NDC1: variants seen among roughly 807,000 people sequenced by gnomAD.
NDC1 encodes nucleoporin NDC1.
NDC1 carries 24 observed loss-of-function variants against 89.8 expected under a neutral mutation model. The ratio of observed to expected loss-of-function variants is 0.27; its 90% CI spans 0.19 to 0.38. NDC1 has a LOEUF of 0.38. Ranked by LOEUF, NDC1 falls within the 10% of genes least tolerant of loss-of-function variation. NDC1 has a pLI of 1.00. For synonymous variants in NDC1, 296 were observed against 284.8 expected (o/e 1.04, Z -0.39); for missense variants, 728 against 797.6 (o/e 0.91, Z 1.05).
In NDC1 at chr1:53,766,517, A is replaced by C. The variant is rs1647067041; in HGVS notation, c.*1453T>G. ...GACACAAAGCAAAACCAAAACAAAA[A>C]AACAAATGGCAATAGTCTACATATC... is the stretch of plus-strand genomic sequence containing the variant. On this transcript the variant is annotated 3_prime_UTR_variant, in exon 18 of 18. Coordinates refer to ENST00000371429, the MANE Select transcript of NDC1 (RefSeq NM_018087.5). 1 of 152,190 alleles carries C rather than the reference A, an allele frequency of 6.6e-6. No homozygotes were observed. The highest frequency in any genetic ancestry group is 1.5e-5 in the Non-Finnish European group (1 of 68,044). 9.4% of individuals were successfully genotyped at this position (152,190 alleles called of 1,614,324 possible). A position where few individuals can be genotyped will look rare whatever the true frequency, so the allele number is the denominator to read the frequency against.
chr1:53,790,676 C>T (rs1570176629), intron 14 of NDC1, among the ~76,000 whole-genome samples: 1 of 152,142 alleles, frequency 6.6e-6, no homozygotes, highest in South Asian at 2.1e-4. Flanking sequence ...CACTGCACTC[C>T]AGCCTGGGCG....
rs573538866 is a variant in NDC1, at chr1:53,786,327, G to C, written c.1800+831C>G. 3.9e-4 allele frequency among the ~76,000 whole-genome samples: 59 copies of C among 152,306 alleles called. 1 individual carries two copies. The South Asian group carries it at 0.012, about 31-fold the overall frequency. On this transcript the variant is annotated intron_variant, in intron 16 of 17. Transcript: ENST00000371429. Reference sequence around the variant, plus strand: ...TGACATAAAAAGTACCAAGTAACATGAAGTTAGAAAAAGAAGCCTACTGCA... The same window carrying C: ...TGACATAAAAAGTACCAAGTAACATCAAGTTAGAAAAAGAAGCCTACTGCA...
intron 17 of NDC1, among the ~76,000 whole-genome samples, chr1:53,770,281 T>C (rs528090362): frequency 1.3e-3 from 195 of 152,240 alleles, no homozygotes; most frequent in Non-Finnish European, 2.4e-3. Flanking sequence ...ATTCTCACAA[T>C]TTTTATTTTA....
At chr1:53,786,729 G>A (rs1214207362) in intron 16 of NDC1, among the ~76,000 whole-genome samples, 1 of 151,986 alleles carries the variant, frequency 6.6e-6, no homozygotes, top group Non-Finnish European at 1.5e-5. Context: ...ACAGGGTCTC[G>A]CTCTGTTACC....
At chr1:53,821,900 C>T (rs138458169) in intron 5 of NDC1, among the ~76,000 whole-genome samples, 1 of 152,320 alleles carries the variant, frequency 6.6e-6, no homozygotes, top group African/African-American at 2.4e-5. Context: ...GTCTTGATGT[C>T]CATTTCTTTG....
intron 16 of NDC1, among the ~76,000 whole-genome samples, chr1:53,776,798 C>T (rs1647166997): frequency 6.6e-6 from 1 of 152,062 alleles, no homozygotes; most frequent in African/African-American, 2.4e-5. Flanking sequence ...TTTCATATAG[C>T]TTTTCATGAA....
Position 53,766,407 on chromosome 1 carries a change from A to G in NDC1, c.*1563T>C, listed in dbSNP as rs949635407. The stretch of plus-strand genomic sequence containing the variant: ...ACAGTTCTCAGTCAACCTAGCCACA[A>G]TTTTCTGTCTTGGCCATCTGTAAGA... On this transcript the variant is annotated 3_prime_UTR_variant, in exon 18 of 18. Transcript: ENST00000371429. The G allele has an allele frequency of 6.6e-6, 1 of 152,170 alleles. No individual in the cohort carries two copies. The highest frequency in any genetic ancestry group is 2.4e-5 in the African/African-American group (1 of 41,446). 9.4% of individuals were successfully genotyped at this position (152,170 alleles called of 1,614,324 possible).
intron 5 of NDC1, among the ~76,000 whole-genome samples, chr1:53,824,957 T>G (rs549286511): frequency 9.2e-5 from 14 of 152,214 alleles, no homozygotes; most frequent in Admixed American, 6.5e-5. Context: ...GCAGATAGCT[T>G]GAGCCCAGGA....
intron 8 of NDC1, 47 bp downstream of exon 8, chr1:53,807,609 A>G (rs1648154588): frequency 2.0e-6 from 3 of 1,526,434 alleles, no homozygotes; most frequent in Non-Finnish European, 2.7e-6. Context: ...TCAACTGTGC[A>G]CTCCAAAACA....
chr1:53,771,046 C>G (rs1647109024), intron 17 of NDC1: 1 of 154,594 alleles, frequency 6.5e-6, no homozygotes, highest in Admixed American at 6.4e-5. Flanking sequence ...ATTTATCCAG[C>G]CACTGATTAA....
chr1:53,832,255 C>G (rs1649091427), intron 3 of NDC1, among the ~76,000 whole-genome samples: 1 of 152,056 alleles, frequency 6.6e-6, no homozygotes, highest in Non-Finnish European at 1.5e-5. Context: ...TTTGAGTACT[C>G]CAGATACCTC....
intron 16 of NDC1, among the ~76,000 whole-genome samples, chr1:53,777,396 A>G (rs1253615960): frequency 2.0e-5 from 3 of 152,194 alleles, no homozygotes; most frequent in African/African-American, 7.2e-5. Context: ...AATAAAGGTC[A>G]TAAAATAGCA....
intron 16 of NDC1, among the ~76,000 whole-genome samples, chr1:53,773,875 G>A (rs1162826350): frequency 6.6e-6 from 1 of 152,162 alleles, no homozygotes; most frequent in African/African-American, 2.4e-5. Context: ...GACTACAGTG[G>A]AAGAGGAGCA....
chr1:53,831,330 G>A (rs550093034), intron 3 of NDC1, among the ~76,000 whole-genome samples: 7 of 152,212 alleles, frequency 4.6e-5, no homozygotes, highest in South Asian at 2.1e-4. Flanking sequence ...TTAAGGTTTA[G>A]ACATGTTAGC....
intron 2 of NDC1, among the ~76,000 whole-genome samples, chr1:53,834,000 C>G (rs1649151781): frequency 6.6e-6 from 1 of 151,974 alleles, no homozygotes; most frequent in Middle Eastern, 3.4e-3. Context: ...CCAGGCTGGT[C>G]ATAAACTCCT....
intron 11 of NDC1, 96 bp downstream of exon 11, chr1:53,800,596 AT>A (rs1647875611): frequency 7.3e-7 from 1 of 1,366,430 alleles, no homozygotes; most frequent in Admixed American, 1.8e-5. Context: ...AAGTGCGGGG[AT>A]AACAGGCGTG....
At chr1:53,814,805 T>A (rs1167977350) in intron 6 of NDC1, among the ~76,000 whole-genome samples, 1 of 152,138 alleles carries the variant, frequency 6.6e-6, no homozygotes, top group Non-Finnish European at 1.5e-5. Context: ...TGAAAGATTG[T>A]TCACAACTAC....
At chr1:53,789,519 A>T (rs1407057154) in intron 14 of NDC1, among the ~76,000 whole-genome samples, 1 of 152,214 alleles carries the variant, frequency 6.6e-6, no homozygotes, top group Non-Finnish European at 1.5e-5. Flanking sequence ...AACTCTTTTT[A>T]AAAAACTTGG....
chr1:53,797,164 G>C lies in NDC1; in HGVS notation c.1223-20C>G, dbSNP rs1647742586. The C allele has an allele frequency of 1.9e-6, 3 of 1,609,684 alleles. No individual in the cohort carries two copies. The highest frequency in any genetic ancestry group is 2.5e-6 in the Non-Finnish European group (3 of 1,176,896). The stretch of plus-strand genomic sequence containing the variant: ...TTTCTTCTGTAAAACAACAGATCCA[G>C]TGCTGAAGAGGCAACCTGATCCAAG... On this transcript the variant is annotated intron_variant, in intron 11 of 17. Transcript: ENST00000371429.
Sources: allele counts gnomAD v4.1 joint callset (sites outside exome capture counted in the v4.1 genomes callset), GRCh38; gene constraint gnomAD v4.1.1; transcripts MANE v1.5; gene names NCBI Gene and HGNC (gene_info 2026-07-23, HGNC 2026-07-21).